The following SYNJ1 variants were observed in gnomAD, a reference collection of about 807,000 sequenced individuals.
SYNJ1 encodes polyphosphatidylinositol phosphatase SYNJ1.
Under a neutral mutation model 168.2 loss-of-function variants are expected in SYNJ1, and 78 were observed. That is an observed-to-expected ratio of 0.46 (90% CI 0.39 to 0.56). SYNJ1 has a LOEUF of 0.56. Among genes scored for constraint, SYNJ1 ranks in the 20% least tolerant of loss-of-function variants. SYNJ1 has a pLI of 0.00. For missense variants in SYNJ1, 1,303 were observed against 1,597.6 expected (o/e 0.82, Z 3.14); for synonymous variants, 539 against 548.6 (o/e 0.98, Z 0.24).
Position 32,639,089 on chromosome 21 carries a change from G to A in SYNJ1, c.3734C>T (p.Ala1245Val). 6.2e-7 allele frequency: 1 copy of A among 1,613,926 alleles called. No individual in the cohort carries two copies. Reference protein sequence around the residue: ...TFLPEPLKPQAAFPPQSSLPP... With the variant: ...TFLPEPLKPQVAFPPQSSLPP... Reference sequence around the variant, plus strand: ...CAAAGAAGACTGCGGAGGAAAAGCAGCCTGAGGCTTCAGTGGTTCAGGAAG... The same window carrying A: ...CAAAGAAGACTGCGGAGGAAAAGCAACCTGAGGCTTCAGTGGTTCAGGAAG... Residue 1245 changes from alanine to valine, a missense_variant, in exon 31 of 33, where the codon GCT becomes GTT. Physicochemically the swap from Ala to Val is moderately conservative, Grantham distance 64. Transcript: ENST00000674351.
chr21:32,686,975 T>TA lies in SYNJ1; in HGVS notation c.948+2dup. 6.6e-7 allele frequency: 1 copy of TA among 1,524,102 alleles called. No individual in the cohort carries two copies. Among genetic ancestry groups the TA allele is most frequent in the Non-Finnish European group, 8.8e-7 (1 of 1,135,332 alleles). The allele number at this position is 1,524,102 out of a possible 1,614,324, so 94.4% of individuals were successfully genotyped here. A position where few individuals can be genotyped will look rare whatever the true frequency, so the allele number is the denominator to read the frequency against. On this transcript the variant is annotated splice_region_variant and intron_variant, in intron 8 of 32. Transcript: ENST00000674351. The stretch of plus-strand genomic sequence containing the variant: ...GAATGAAATAAGAAATGACCATACT[T>TA]ACCTGGAAAGCTTTACTTAGCATAT...
chr21:32,637,798 T>C, intron 31 of SYNJ1, among the ~76,000 whole-genome samples: 1 of 152,236 alleles, frequency 6.6e-6, no homozygotes. Context: ...TTTTTCTGTA[T>C]TATATATCCT....
chr21:32,716,160 T>C lies in SYNJ1; in HGVS notation c.124+10612A>G, dbSNP rs147991290. The stretch of plus-strand genomic sequence containing the variant: ...AAAAATCATGCACAATTTTTAAAAC[T>C]ATACTTCCTTTTGATACTCTAACAA... On this transcript the variant is annotated intron_variant, in intron 2 of 32. Transcript: ENST00000674351. Among the ~76,000 whole-genome samples, 752 of 152,348 alleles carry C rather than the reference T, an allele frequency of 4.9e-3. 5 individuals carry two copies. The highest frequency in any genetic ancestry group is 7.7e-3 in the Non-Finnish European group (527 of 68,030).
At chr21:32,728,307 G>A (rs2043571059), upstream of SYNJ1, 2 of 430,576 alleles carry the variant, frequency 4.6e-6, no homozygotes, top group Non-Finnish European at 4.1e-6. Context: ...GAGGGACTCC[G>A]GAGAAAAGCT....
intron 2 of SYNJ1, among the ~76,000 whole-genome samples, chr21:32,725,254 T>A (rs570742284): frequency 6.6e-6 from 1 of 152,188 alleles, no homozygotes; most frequent in Admixed American, 6.5e-5. Flanking sequence ...AGCTGAAAAA[T>A]GCTTCCCATA....
rs1227698771 is a variant in SYNJ1, at chr21:32,726,851, G to T, written c.45C>A (p.Pro15=). 3 of 1,614,112 alleles carry T rather than the reference G, an allele frequency of 1.9e-6. No homozygotes were observed. Among genetic ancestry groups the T allele is most frequent in the Non-Finnish European group, 2.5e-6 (3 of 1,180,026 alleles). The change falls in exon 2 of 33, where the codon CCC becomes CCA. Residue 15 remains proline (P), a synonymous_variant. Transcript: ENST00000674351. ...KGFRIYHKLD[P]PPFSLIVETR... ...TTTCCACTATGAGGCTGAAAGGTGGGGGATCCAATTTGTGATAGATCCGGA... is the reference window on the plus strand; with the variant it reads ...TTTCCACTATGAGGCTGAAAGGTGGTGGATCCAATTTGTGATAGATCCGGA...
rs201217933 is a variant in SYNJ1, at chr21:32,660,776, GA to G, written c.2305-2905del. On this transcript the variant is annotated intron_variant, in intron 18 of 32. Coordinates refer to ENST00000674351, the MANE Select transcript of SYNJ1 (RefSeq NM_203446.3). ...GCCTTTCTAACCCTCCAAGTGCATGGAGCATTATATAAGGAAAAGGGCCTGT... is the reference window on the plus strand; with the variant it reads ...GCCTTTCTAACCCTCCAAGTGCATGGGCATTATATAAGGAAAAGGGCCTGT... 9.5e-3 allele frequency among the ~76,000 whole-genome samples: 1,447 copies of G among 152,302 alleles called. 26 individuals are homozygous for G. Among genetic ancestry groups the G allele is most frequent in the African/African-American group, 0.032 (1,318 of 41,558 alleles).
At chr21:32,720,728 CTTTAAT>C (rs574563553) in intron 2 of SYNJ1, among the ~76,000 whole-genome samples, 226 of 152,330 alleles carry the variant, frequency 1.5e-3, no homozygotes, top group African/African-American at 4.9e-3. Context: ...AGAGCAAAAG[CTTTAAT>C]TTTAAGAGTT....
chr21:32,637,499 C>T (rs955058365), intron 31 of SYNJ1, among the ~76,000 whole-genome samples: 4 of 150,112 alleles, frequency 2.7e-5, no homozygotes, highest in Non-Finnish European at 4.4e-5. Context: ...ACCTCCACCT[C>T]GCAGGTTCAA....
chr21:32,660,892 C>T (rs1188133199), intron 18 of SYNJ1, among the ~76,000 whole-genome samples: 2 of 152,198 alleles, frequency 1.3e-5, no homozygotes, highest in Non-Finnish European at 2.9e-5. Flanking sequence ...GGCAGTCATG[C>T]ACTGCAGGGG....
At chr21:32,725,237 C>A (rs1325075646) in intron 2 of SYNJ1, among the ~76,000 whole-genome samples, 1 of 152,108 alleles carries the variant, frequency 6.6e-6, no homozygotes, top group Non-Finnish European at 1.5e-5. Flanking sequence ...CACCAAAAAA[C>A]ACAAGCAGCT....
chr21:32,651,314 C>G (rs1419946363), intron 22 of SYNJ1, among the ~76,000 whole-genome samples: 1 of 152,162 alleles, frequency 6.6e-6, no homozygotes, highest in Non-Finnish European at 1.5e-5. Flanking sequence ...CAGTTGGCAC[C>G]TTTGTGGGTA....
intron 31 of SYNJ1, among the ~76,000 whole-genome samples, chr21:32,638,212 G>A (rs886571449): frequency 2.6e-4 from 39 of 152,102 alleles, no homozygotes; most frequent in African/African-American, 8.0e-4. Context: ...AGGACCACAG[G>A]TGCATGGCAC....
At chr21:32,668,074 T>C (rs1295317093) in intron 15 of SYNJ1, among the ~76,000 whole-genome samples, 1 of 151,634 alleles carries the variant, frequency 6.6e-6, no homozygotes, top group Admixed American at 6.6e-5. Flanking sequence ...TATATACATA[T>C]ACATATTTGA....
At chr21:32,728,089 G>A, upstream of SYNJ1, 1 of 1,512,078 alleles carries the variant, frequency 6.6e-7, no homozygotes, top group Non-Finnish European at 8.8e-7. Flanking sequence ...GGGAAGGGGC[G>A]GGGCATCAGG....
intron 12 of SYNJ1, among the ~76,000 whole-genome samples, chr21:32,678,055 G>A (rs2041480756): frequency 1.3e-5 from 2 of 151,524 alleles, no homozygotes; most frequent in Non-Finnish European, 2.9e-5. Context: ...GATAGGAGAA[G>A]TTTTTTTTTA....
intron 15 of SYNJ1, among the ~76,000 whole-genome samples, chr21:32,668,982 T>C (rs1485994976): frequency 6.6e-6 from 1 of 152,146 alleles, no homozygotes; most frequent in Non-Finnish European, 1.5e-5. Context: ...CACTGCCATA[T>C]ACTTGCAGGA....
intron 6 of SYNJ1, among the ~76,000 whole-genome samples, chr21:32,692,235 T>TATAAA (rs1244198746): frequency 6.6e-6 from 1 of 152,158 alleles, no homozygotes; most frequent in Non-Finnish European, 1.5e-5. Flanking sequence ...AGTAGGATCT[T>TATAAA]ATAAAATAGA....
intron 27 of SYNJ1, 58 bp downstream of exon 27, chr21:32,643,352 C>G: frequency 6.3e-7 from 1 of 1,577,524 alleles, no homozygotes; most frequent in Non-Finnish European, 8.7e-7. Context: ...GGAGGTGGGG[C>G]GCTGACACTG....
Sources: gnomAD v4.1 joint callset for allele counts (sites outside exome capture counted in the v4.1 genomes callset) on GRCh38, gnomAD v4.1.1 for gene constraint, MANE v1.5 for transcripts, NCBI Gene and HGNC (gene_info 2026-07-23, HGNC 2026-07-21) for gene names.